The following CAB39 variants were observed in gnomAD, a reference collection of about 807,000 sequenced individuals.
The protein encoded by CAB39 is calcium-binding protein 39.
In CAB39, 8 loss-of-function variants were observed where a neutral mutation model predicts 40.0. The ratio of observed to expected loss-of-function variants is 0.20; its 90% CI spans 0.12 to 0.36. The LOEUF is 0.36. Ranked by LOEUF, CAB39 falls within the 10% of genes least tolerant of loss-of-function variation. CAB39 has a pLI of 1.00. For synonymous variants in CAB39, 156 were observed against 141.6 expected, an observed-to-expected ratio of 1.10 and a Z score of -0.72; for missense variants, 270 against 401.1, an observed-to-expected ratio of 0.67 and a Z score of 2.79.
chr2:230,805,520 G>A (rs1176893252), intron 5 of CAB39, among the ~76,000 whole-genome samples: 2 of 152,168 alleles, frequency 1.3e-5, no homozygotes, highest in African/African-American at 4.8e-5. Flanking sequence ...GTGGATTGGG[G>A]GAGTAAAAGG....
intron 2 of CAB39, 72 bp downstream of exon 2, chr2:230,760,187 A>G: frequency 1.2e-6 from 1 of 850,838 alleles, no homozygotes. Context: ...ATGAGGAATC[A>G]GTAAGTCCCA....
chr2:230,772,982 TAAAAAAA>T (rs10713369), intron 2 of CAB39, among the ~76,000 whole-genome samples: 1 of 115,084 alleles, frequency 8.7e-6, no homozygotes, highest in African/African-American at 3.0e-5. Flanking sequence ...TACTCAGCAA[TAAAAAAA>T]AAAAAAAAAA....
intron 1 of CAB39, among the ~76,000 whole-genome samples, chr2:230,724,727 TA>T (rs1264754706): frequency 7.0e-6 from 1 of 142,098 alleles, no homozygotes; most frequent in Non-Finnish European, 1.5e-5. Flanking sequence ...AAAAAACCTC[TA>T]TGAGTAGTTT....
intron 1 of CAB39, among the ~76,000 whole-genome samples, chr2:230,733,461 T>C (rs1694731237): frequency 6.6e-6 from 1 of 152,240 alleles, no homozygotes; most frequent in Non-Finnish European, 1.5e-5. Flanking sequence ...GTAGATTGCC[T>C]TGACTTTTCT....
chr2:230,780,601 C>A (rs76480633), intron 2 of CAB39, among the ~76,000 whole-genome samples: 1 of 152,254 alleles, frequency 6.6e-6, no homozygotes, highest in African/African-American at 2.4e-5. Context: ...TTAGGTTTGC[C>A]TGATGTTTCT....
chr2:230,785,084 T>C (rs1407107280), intron 2 of CAB39, among the ~76,000 whole-genome samples: 4 of 152,222 alleles, frequency 2.6e-5, no homozygotes, highest in Non-Finnish European at 5.9e-5. Context: ...TGTCCAGGCA[T>C]GCTGGAGCAA....
chr2:230,818,381 A>C (rs1696441138), intron 8 of CAB39, 135 bp from the exon 9 acceptor site: 2 of 633,090 alleles, frequency 3.2e-6, no homozygotes, highest in East Asian at 5.7e-5. Flanking sequence ...CGCCTTCTAA[A>C]GCAAAACCTA....
rs2459924 is a variant in CAB39, at chr2:230,714,291, T to A, written c.-44+1061T>A. On this transcript the variant is annotated intron_variant, in intron 1 of 8. Coordinates refer to ENST00000258418, the MANE Select transcript of CAB39 (RefSeq NM_016289.4). ...AGGCTAGGGGATATTAAAGGCGCTCTTGTGAAAGGAGAGAGGAGGAGGCCC... is the reference window on the plus strand; with the variant it reads ...AGGCTAGGGGATATTAAAGGCGCTCATGTGAAAGGAGAGAGGAGGAGGCCC... Among the ~76,000 whole-genome samples, 8,651 of 152,206 alleles carry A rather than the reference T, an allele frequency of 0.057. 306 individuals carry two copies. Among genetic ancestry groups the A allele is most frequent in the East Asian group, 0.091 (469 of 5,180 alleles).
chr2:230,734,808 C>T (rs1462489436), intron 1 of CAB39, among the ~76,000 whole-genome samples: 4 of 151,410 alleles, frequency 2.6e-5, no homozygotes, highest in African/African-American at 4.9e-5. Context: ...TCCACCCCGA[C>T]GAAGGAGTCA....
chr2:230,800,735 C>G (rs552282416), intron 5 of CAB39, among the ~76,000 whole-genome samples: 153 of 152,198 alleles, frequency 1.0e-3, no homozygotes, highest in Non-Finnish European at 1.7e-3. Flanking sequence ...GACCCCTGAC[C>G]CCGTCAGGAT....
chr2:230,723,378 C>A (rs1444698467), intron 1 of CAB39, among the ~76,000 whole-genome samples: 3 of 151,906 alleles, frequency 2.0e-5, no homozygotes, highest in Admixed American at 1.3e-4. Context: ...GCTTCCTGAA[C>A]CCACCCCACT....
At chr2:230,729,875 GGTGAGGA>G (rs1694656495) in intron 1 of CAB39, among the ~76,000 whole-genome samples, 1 of 151,962 alleles carries the variant, frequency 6.6e-6, no homozygotes, top group African/African-American at 2.4e-5. Flanking sequence ...AAATGCCCAG[GGTGAGGA>G]AATCTATAAA....
intron 1 of CAB39, among the ~76,000 whole-genome samples, chr2:230,735,230 A>T (rs1222855804): frequency 6.6e-6 from 1 of 151,842 alleles, no homozygotes; most frequent in Non-Finnish European, 1.5e-5. Context: ...GCAGTGGTGC[A>T]GTCTCGGCTC....
At chr2:230,795,843 AT>A (rs376004366) in intron 4 of CAB39, among the ~76,000 whole-genome samples, 2,208 of 149,516 alleles carry the variant, frequency 0.015, 56 homozygotes, top group African/African-American at 0.05. Context: ...ATAATCAGGT[AT>A]TTTTTTTTTA....
intron 1 of CAB39, among the ~76,000 whole-genome samples, chr2:230,753,743 CAAAAAAA>C (rs60868418): frequency 2.3e-5 from 2 of 85,524 alleles, no homozygotes; most frequent in Non-Finnish European, 2.5e-5. Flanking sequence ...GACTCCATCT[CAAAAAAA>C]AAAAAAAAAG....
At chr2:230,803,413 A>G (rs968587005) in intron 5 of CAB39, among the ~76,000 whole-genome samples, 31 of 152,222 alleles carry the variant, frequency 2.0e-4, no homozygotes, top group African/African-American at 6.3e-4. Context: ...CAGGGCAATC[A>G]GGCAAGAGAA....
At chr2:230,797,912 A>G (rs1329417369) in intron 4 of CAB39, among the ~76,000 whole-genome samples, 1 of 151,876 alleles carries the variant, frequency 6.6e-6, no homozygotes, top group Non-Finnish European at 1.5e-5. Context: ...ACTAGAGGAG[A>G]ATGTGAGGTG....
At chr2:230,721,638 G>C (rs1694455505) in intron 1 of CAB39, among the ~76,000 whole-genome samples, 1 of 152,162 alleles carries the variant, frequency 6.6e-6, no homozygotes. Flanking sequence ...TTTGTAGACT[G>C]CCAGTCTTAG....
intron 2 of CAB39, among the ~76,000 whole-genome samples, chr2:230,773,314 ATGTGTGTGTGTGTGTGTGTG>A (rs71052549): frequency 3.0e-5 from 4 of 132,632 alleles, no homozygotes; most frequent in Non-Finnish European, 3.1e-5. Context: ...ATATATATAT[ATGTGTGTGTGTGTGTGTGTG>A]TGTGTGTGTG....
Sources: gnomAD v4.1 joint callset for allele counts (sites outside exome capture counted in the v4.1 genomes callset) on GRCh38, gnomAD v4.1.1 for gene constraint, MANE v1.5 for transcripts, NCBI Gene and HGNC (gene_info 2026-07-23, HGNC 2026-07-21) for gene names.